DTNB: variants seen among roughly 807,000 people sequenced by gnomAD.
DTNB encodes dystrobrevin beta.
In DTNB, 63 loss-of-function variants were observed where a neutral mutation model predicts 90.7. The observed-to-expected ratio is 0.69, with a 90% CI of 0.57 to 0.86. The LOEUF is 0.86. Ranked by LOEUF, DTNB falls within the 40% of genes least tolerant of loss-of-function variation. The probability of loss-of-function intolerance (pLI) is 0.00; values close to 1 mark genes in which losing one functional copy is unlikely to be tolerated. For synonymous variants in DTNB, 277 were observed against 286.7 expected (o/e 0.97, Z 0.34); for missense variants, 744 against 807.1 (o/e 0.92, Z 0.95).
In DTNB at chr2:25,576,897, G is replaced by A. The variant is rs748641272; in HGVS notation, c.817C>T (p.Arg273Cys). 1.7e-5 allele frequency: 28 copies of A among 1,613,010 alleles called. No individual in the cohort carries two copies. The highest frequency in any genetic ancestry group is 1.6e-4 in the Middle Eastern group (1 of 6,084). The change falls in exon 8 of 21, where the codon CGT becomes TGT. Residue 273 changes from arginine (R) to cysteine (C), a missense_variant. Coordinates refer to ENST00000406818, the MANE Select transcript of DTNB (RefSeq NM_021907.5). ...NYQLCQNCFW[R>C]GHAGGPHSNQ... ...CTGTGAGGGCCGCCGGCATGGCCAC[G>A]CCAAAAGCAATTCTGGCAGAGCTGA...
chr2:25,574,366 C>T (rs2060344935), intron 8 of DTNB, among the ~76,000 whole-genome samples: 1 of 152,104 alleles, frequency 6.6e-6, no homozygotes, highest in South Asian at 2.1e-4. Context: ...TACCATACGG[C>T]ATTTTCTTTG....
intron 6 of DTNB, among the ~76,000 whole-genome samples, chr2:25,589,701 C>T (rs559466639): frequency 6.6e-6 from 1 of 152,222 alleles, no homozygotes; most frequent in South Asian, 2.1e-4. Flanking sequence ...AGATAGGCAT[C>T]AAATTAAAAA....
intron 19 of DTNB, among the ~76,000 whole-genome samples, chr2:25,381,667 T>G (rs1022469522): frequency 6.6e-6 from 1 of 152,232 alleles, no homozygotes; most frequent in African/African-American, 2.4e-5. Flanking sequence ...TAAGCCACCA[T>G]GCCCAGCCTA....
intron 10 of DTNB, among the ~76,000 whole-genome samples, chr2:25,471,147 C>T (rs1473878576): frequency 6.6e-6 from 1 of 152,118 alleles, no homozygotes; most frequent in Non-Finnish European, 1.5e-5. Flanking sequence ...CCCATGAGGG[C>T]GTGTGAGAGA....
chr2:25,471,045 G>A (rs1405018521), intron 10 of DTNB, among the ~76,000 whole-genome samples: 1 of 152,222 alleles, frequency 6.6e-6, no homozygotes, highest in African/African-American at 2.4e-5. Flanking sequence ...TGTCTCATAG[G>A]TTGTGGCTTG....
At chr2:25,621,410 C>G (rs938146269) in intron 4 of DTNB, among the ~76,000 whole-genome samples, 1 of 147,438 alleles carries the variant, frequency 6.8e-6, no homozygotes, top group Non-Finnish European at 1.5e-5. Flanking sequence ...AACAATATAA[C>G]TTTTTAAATG....
At chr2:25,652,149 A>G (rs2081067355) in intron 2 of DTNB, among the ~76,000 whole-genome samples, 1 of 152,224 alleles carries the variant, frequency 6.6e-6, no homozygotes, top group Non-Finnish European at 1.5e-5. Flanking sequence ...TTAAAAATAT[A>G]TCAAAATACA....
intron 16 of DTNB, among the ~76,000 whole-genome samples, chr2:25,417,899 G>A (rs757554324): frequency 6.6e-6 from 1 of 152,176 alleles, no homozygotes; most frequent in Non-Finnish European, 1.5e-5. Flanking sequence ...GGGACTTCTA[G>A]ATAAACTGGA....
intron 16 of DTNB, among the ~76,000 whole-genome samples, chr2:25,411,568 C>A (rs944309891): frequency 3.3e-5 from 5 of 152,014 alleles, no homozygotes; most frequent in African/African-American, 9.7e-5. Context: ...CCTGGGACTG[C>A]GACCCAGGAT....
Position 25,628,231 on chromosome 2 carries a change from TG to T in DTNB, c.301del (p.Gln101LysfsTer15). 1.4e-5 allele frequency: 22 copies of T among 1,613,462 alleles called. No individual in the cohort carries two copies. Among genetic ancestry groups the T allele is most frequent in the Non-Finnish European group, 1.9e-5 (22 of 1,179,846 alleles). On this transcript the variant is annotated frameshift_variant, in exon 4 of 21. Transcript: ENST00000406818. LOFTEE classifies it high-confidence loss of function. ...QLNKRLPSTH[Q>X]ISVEQSISLL... ...GCTGATAGATTGTTCCACACTAATT[TG>T]GTGAGTAGAAGGAAGGCGCTTGTTC... is the stretch of plus-strand genomic sequence containing the variant.
intron 11 of DTNB, 45 bp downstream of exon 11, chr2:25,455,360 C>T (rs2059848724): frequency 6.5e-7 from 1 of 1,532,840 alleles, no homozygotes; most frequent in African/African-American, 1.4e-5. Context: ...CTCTCCCTCC[C>T]TCTGATCACC....
chr2:25,598,987 C>G (rs2148435887), intron 5 of DTNB: 1 of 151,832 alleles, frequency 6.6e-6, no homozygotes, highest in East Asian at 1.9e-4. Flanking sequence ...TTTTAGAAAG[C>G]TAGGTTTCAA....
At chr2:25,551,965 TATTTA>T (rs1189446474) in intron 8 of DTNB, among the ~76,000 whole-genome samples, 1 of 152,282 alleles carries the variant, frequency 6.6e-6, no homozygotes, top group African/African-American at 2.4e-5. Context: ...TCAGCTCATC[TATTTA>T]ATTTCTTATT....
At chr2:25,612,308 G>C (rs1462514183) in intron 4 of DTNB, among the ~76,000 whole-genome samples, 2 of 152,094 alleles carry the variant, frequency 1.3e-5, no homozygotes, top group African/African-American at 2.4e-5. Flanking sequence ...TGTTAAAAAA[G>C]AGAGAGAAAA....
chr2:25,452,780 T>G (rs2059471436), intron 11 of DTNB, among the ~76,000 whole-genome samples: 1 of 152,082 alleles, frequency 6.6e-6, no homozygotes, highest in African/African-American at 2.4e-5. Flanking sequence ...GCTAAGTCTT[T>G]AAGCTTAACT....
rs138427747 is a variant in DTNB, at chr2:25,663,828, C to T, written c.-2+9558G>A. On this transcript the variant is annotated intron_variant, in intron 1 of 20. Transcript: ENST00000406818. ...TAATACAGGATACTTTTCAGTTTTA[C>T]ACCAAACTCAAATTATTTATCTATA... Among the ~76,000 whole-genome samples the T allele has an allele frequency of 1.8e-3, 281 of 152,296 alleles. 3 individuals are homozygous for T. The highest frequency in any genetic ancestry group is 5.9e-4 in the Non-Finnish European group (40 of 68,014).
intron 5 of DTNB, among the ~76,000 whole-genome samples, chr2:25,604,920 C>T (rs1393322809): frequency 6.6e-6 from 1 of 151,044 alleles, no homozygotes. Context: ...AGTCTCACTA[C>T]GTTGCCCAGG....
chr2:25,407,615 T>C (rs1261657054), intron 16 of DTNB, among the ~76,000 whole-genome samples: 1 of 152,146 alleles, frequency 6.6e-6, no homozygotes, highest in Non-Finnish European at 1.5e-5. Flanking sequence ...TGGAATATCT[T>C]TTGCAGCAAC....
chr2:25,388,227 TC>T lies in DTNB; in HGVS notation c.1709del (p.Gly570GlufsTer34), dbSNP rs767028788. 3 of 1,588,964 alleles carry T rather than the reference TC, an allele frequency of 1.9e-6. No homozygotes were observed. Among genetic ancestry groups the T allele is most frequent in the African/African-American group, 2.7e-5 (2 of 74,610 alleles). On this transcript the variant is annotated frameshift_variant, in exon 17 of 21. Transcript: ENST00000406818. LOFTEE classifies it high-confidence loss of function. Reference sequence around the variant, plus strand: ...CTTGTGCGAAGGCCTCCTGCACGTCTCCCCCGACTCCGCTCAGCGAGTCCTG... The same window carrying T: ...CTTGTGCGAAGGCCTCCTGCACGTCTCCCCGACTCCGCTCAGCGAGTCCTG... ...CPQDSLSGVGGDVQEAFAQGT... is the reference protein window; with the variant it reads ...CPQDSLSGVGXDVQEAFAQGT...
Sources: gnomAD v4.1 joint callset for allele counts (sites outside exome capture counted in the v4.1 genomes callset) on GRCh38, gnomAD v4.1.1 for gene constraint, MANE v1.5 for transcripts, NCBI Gene and HGNC (gene_info 2026-07-23, HGNC 2026-07-21) for gene names.